Variants in FGF12 observed in about 807,000 individuals in gnomAD.
The protein encoded by FGF12 is fibroblast growth factor 12.
Under a neutral mutation model 23.6 loss-of-function variants are expected in FGF12, and 14 were observed. The ratio of observed to expected loss-of-function variants is 0.59; its 90% CI spans 0.39 to 0.93. FGF12 has a LOEUF of 0.93. FGF12 is among the 40% of genes least tolerant of loss of function. FGF12 has a pLI of 0.00. For missense variants in FGF12, 175 were observed against 217.8 expected (o/e 0.80, Z 1.24); for synonymous variants, 62 against 77.3 (o/e 0.80, Z 1.04).
chr3:192,429,724 C>T (rs2108789373), intron 2 of FGF12, among the ~76,000 whole-genome samples: 1 of 152,100 alleles, frequency 6.6e-6, no homozygotes, highest in East Asian at 1.9e-4. Flanking sequence ...GCTTGTTTAT[C>T]TTGGCAAATG....
chr3:192,158,080 AAATATGC>A (rs1414880058), intron 5 of FGF12, among the ~76,000 whole-genome samples: 5 of 152,178 alleles, frequency 3.3e-5, no homozygotes, highest in African/African-American at 1.2e-4. Context: ...GAGTATGTGT[AAATATGC>A]TGAAAAACAT....
At chr3:192,434,989 AAGTC>A (rs1721974038) in intron 2 of FGF12, among the ~76,000 whole-genome samples, 1 of 152,138 alleles carries the variant, frequency 6.6e-6, no homozygotes, top group Non-Finnish European at 1.5e-5. Context: ...ACTGAAGAAA[AAGTC>A]AGGAGAACTG....
At chr3:192,168,698 C>A in intron 5 of FGF12, among the ~76,000 whole-genome samples, 1 of 152,260 alleles carries the variant, frequency 6.6e-6, no homozygotes, top group Middle Eastern at 3.4e-3. Flanking sequence ...TTTCAGACAA[C>A]TGATTATCAA....
intron 2 of FGF12, among the ~76,000 whole-genome samples, chr3:192,439,577 G>A (rs1292310708): frequency 6.6e-6 from 1 of 152,140 alleles, no homozygotes; most frequent in African/African-American, 2.4e-5. Flanking sequence ...CCTGGTTCTT[G>A]CCTCAACTGA....
intron 2 of FGF12, among the ~76,000 whole-genome samples, chr3:192,628,109 C>A (rs1313119860): frequency 6.6e-6 from 1 of 152,008 alleles, no homozygotes; most frequent in Non-Finnish European, 1.5e-5. Flanking sequence ...CAGTAAATAA[C>A]CTTTGGTGAC....
intron 4 of FGF12, among the ~76,000 whole-genome samples, chr3:192,310,992 G>A (rs1715902520): frequency 6.6e-6 from 1 of 152,132 alleles, no homozygotes; most frequent in South Asian, 2.1e-4. Flanking sequence ...TCACACCTCT[G>A]TATTACTTTA....
At chr3:192,370,906 G>T (rs192771417) in intron 2 of FGF12, among the ~76,000 whole-genome samples, 6 of 152,344 alleles carry the variant, frequency 3.9e-5, no homozygotes, top group Admixed American at 6.5e-5. Context: ...TCCTAAGGGA[G>T]CACTATTTAA....
chr3:192,188,242 A>C (rs570197149), intron 4 of FGF12, among the ~76,000 whole-genome samples: 5 of 152,368 alleles, frequency 3.3e-5, no homozygotes, highest in African/African-American at 1.2e-4. Context: ...TTCTAAGCAT[A>C]GGACCTCCAT....
At chr3:192,354,724 G>C (rs1368628708) in intron 3 of FGF12, among the ~76,000 whole-genome samples, 2 of 151,966 alleles carry the variant, frequency 1.3e-5, no homozygotes, top group African/African-American at 4.8e-5. Flanking sequence ...TTTAGTTTTC[G>C]AGACAGAGTC....
chr3:192,575,292 T>C (rs1712825332), intron 2 of FGF12, among the ~76,000 whole-genome samples: 1 of 152,234 alleles, frequency 6.6e-6, no homozygotes, highest in African/African-American at 2.4e-5. Flanking sequence ...TGTCAAAATT[T>C]GTCAAATTGT....
At chr3:192,320,395 G>C (rs995374091) in intron 4 of FGF12, among the ~76,000 whole-genome samples, 1 of 152,160 alleles carries the variant, frequency 6.6e-6, no homozygotes, top group Non-Finnish European at 1.5e-5. Flanking sequence ...CCCACTTTCT[G>C]CATTGGACAG....
chr3:192,240,461 A>G (rs569562687), intron 4 of FGF12, among the ~76,000 whole-genome samples: 5 of 152,300 alleles, frequency 3.3e-5, no homozygotes, highest in African/African-American at 1.2e-4. Context: ...ATCTGCTACA[A>G]TAAGAATGAT....
At chr3:192,494,610 C>T (rs1199627998) in intron 2 of FGF12, among the ~76,000 whole-genome samples, 1 of 152,096 alleles carries the variant, frequency 6.6e-6, no homozygotes, top group Non-Finnish European at 1.5e-5. Flanking sequence ...AATCATGATT[C>T]CCAAGACCAG....
intron 2 of FGF12, among the ~76,000 whole-genome samples, chr3:192,367,076 G>A (rs767248260): frequency 1.4e-4 from 21 of 152,168 alleles, no homozygotes; most frequent in East Asian, 1.9e-4. Context: ...CTCCAAAGGC[G>A]GAGACACTCT....
At chr3:192,627,718 G>A (rs893487222) in intron 2 of FGF12, among the ~76,000 whole-genome samples, 3 of 152,104 alleles carry the variant, frequency 2.0e-5, no homozygotes, top group African/African-American at 4.8e-5. Context: ...AAATAATGTA[G>A]AGAGAACCCG....
intron 2 of FGF12, among the ~76,000 whole-genome samples, chr3:192,653,651 A>G (rs1716291082): frequency 6.6e-6 from 1 of 152,174 alleles, no homozygotes; most frequent in African/African-American, 2.4e-5. Context: ...TAAAAATACA[A>G]CAGATCAAAT....
chr3:192,466,247 C>G (rs1346000545), intron 2 of FGF12, among the ~76,000 whole-genome samples: 1 of 152,120 alleles, frequency 6.6e-6, no homozygotes, highest in Admixed American at 6.5e-5. Context: ...TATAGGATTA[C>G]CATCATACAG....
chr3:192,576,659 A>C (rs371471097), intron 2 of FGF12, among the ~76,000 whole-genome samples: 1 of 152,206 alleles, frequency 6.6e-6, no homozygotes, highest in South Asian at 2.1e-4. Flanking sequence ...ATGGAAAAAA[A>C]ATGCTCATAT....
chr3:192,469,235 T>C (rs989843658), intron 2 of FGF12, among the ~76,000 whole-genome samples: 1 of 152,186 alleles, frequency 6.6e-6, no homozygotes, highest in Non-Finnish European at 1.5e-5. Flanking sequence ...AATTTAGAAA[T>C]GAAACTTAGA....
Sources: gnomAD v4.1 joint callset for allele counts (sites outside exome capture counted in the v4.1 genomes callset) on GRCh38, gnomAD v4.1.1 for gene constraint, MANE v1.5 for transcripts, NCBI Gene and HGNC (gene_info 2026-07-23, HGNC 2026-07-21) for gene names.